MAP2K5: variants seen among roughly 807,000 people sequenced by gnomAD.
MAP2K5 encodes the protein dual specificity mitogen-activated protein kinase kinase 5.
In MAP2K5, 49 loss-of-function variants were observed where a neutral mutation model predicts 83.1. That is an observed-to-expected ratio of 0.59 (90% confidence interval 0.47 to 0.75). The LOEUF (loss-of-function observed/expected upper bound fraction) is 0.75, where lower values mean the gene tolerates loss of function less well. Ranked by LOEUF, MAP2K5 falls within the 30% of genes least tolerant of loss-of-function variation. The probability of loss-of-function intolerance (pLI) is 0.00; values close to 1 mark genes in which losing one functional copy is unlikely to be tolerated. For missense variants in MAP2K5, 457 were observed against 557.5 expected, an observed-to-expected ratio of 0.82 and a Z score of 1.82; for synonymous variants, 202 against 191.8, an observed-to-expected ratio of 1.05 and a Z score of -0.44.
chr15:67,791,757 T>A (rs1275163819), intron 21 of MAP2K5, among the ~76,000 whole-genome samples: 1 of 152,210 alleles, frequency 6.6e-6, no homozygotes, highest in Admixed American at 6.5e-5. Context: ...GGTTGTAGAA[T>A]GAAAACCACT....
rs2089402945 is a variant in MAP2K5, at chr15:67,738,761, C to T, written c.1075-9470C>T. ...AATTTTTAAATGCATCTAAGTAATA[C>T]CTTATTTGAACTAGAGTTATTTCGT... On this transcript the variant is annotated intron_variant, in intron 17 of 21. Transcript: ENST00000178640. The surrounding 1 kb of genome is among the most constrained non-coding windows in gnomAD (Gnocchi z 4.1). 6.6e-6 allele frequency among the ~76,000 whole-genome samples: 1 copy of T among 152,152 alleles called. No homozygotes were observed. Among genetic ancestry groups the T allele is most frequent in the African/African-American group, 2.4e-5 (1 of 41,420 alleles).
chr15:67,582,055 ATTTCT>A (rs2085188540), intron 4 of MAP2K5, among the ~76,000 whole-genome samples: 2 of 134,864 alleles, frequency 1.5e-5, no homozygotes, highest in Non-Finnish European at 1.6e-5. Flanking sequence ...GATGTAGATG[ATTTCT>A]TTTTTTTTTT....
Position 67,561,593 on chromosome 15 carries a change from G to A in MAP2K5, c.185-1690G>A, listed in dbSNP as rs1210329916. Among the ~76,000 whole-genome samples the A allele has an allele frequency of 6.6e-6, 1 of 152,190 alleles. No homozygotes were observed. The highest frequency in any genetic ancestry group is 2.4e-5 in the African/African-American group (1 of 41,448). On this transcript the variant is annotated intron_variant, in intron 2 of 21. Transcript: ENST00000178640. The surrounding 1 kb of genome is among the most constrained non-coding windows in gnomAD (Gnocchi z 4.2). The stretch of plus-strand genomic sequence containing the variant: ...TCTTGATGATACCGATTCACACTGA[G>A]TTGGGGAACTCTGCAGCAGTGAACC...
In MAP2K5 at chr15:67,565,137, T is replaced by C. The variant is rs1274986679; in HGVS notation, c.252+1787T>C. Among the ~76,000 whole-genome samples, 2 of 152,236 alleles carry C rather than the reference T, an allele frequency of 1.3e-5. No homozygotes were observed. The highest frequency in any genetic ancestry group is 2.4e-5 in the African/African-American group (1 of 41,466). ...GTGAATATGGAATTTAAGTTCAGTT[T>C]CTTTTCATGCCCAAGCTGTTGCTCA... On this transcript the variant is annotated intron_variant, in intron 3 of 21. Transcript: ENST00000178640. The surrounding 1 kb of genome is among the most constrained non-coding windows in gnomAD (Gnocchi z 4.1).
chr15:67,663,108 A>G (rs984176731), intron 12 of MAP2K5, among the ~76,000 whole-genome samples: 3 of 152,230 alleles, frequency 2.0e-5, no homozygotes, highest in African/African-American at 7.2e-5. Flanking sequence ...AGAATAAGTT[A>G]CAGATATCAC....
rs1393865234 is a variant in MAP2K5, at chr15:67,748,243, C to G, written c.1087C>G (p.Gln363Glu). The G allele has an allele frequency of 6.2e-7, 1 of 1,606,992 alleles. No homozygotes were observed. The highest frequency in any genetic ancestry group is 1.7e-5 in the Admixed American group (1 of 59,894). The change falls in exon 18 of 22, where the codon CAG becomes GAG. Residue 363 changes from glutamine to glutamate, a missense_variant. Physicochemically the swap from Gln to Glu is conservative, Grantham distance 29 (BLOSUM62 2). Around this residue, in one of 3 missense-constraint regions of MAP2K5, gnomAD observed 168 missense variants for 263.0 expected, o/e 0.64. Transcript: ENST00000178640. The surrounding 1 kb of genome is among the most constrained non-coding windows in gnomAD (Gnocchi z 4.0). The stretch of plus-strand genomic sequence containing the variant: ...TGCCTTTTTTCAGATTCAGAAAAAC[C>G]AGGGATCTTTAATGGTAAGCTTTAT... ...RFPYPQIQKN[Q>E]GSLMPLQLLQ...
At chr15:67,553,881 C>T (rs1419713155) in intron 2 of MAP2K5, among the ~76,000 whole-genome samples, 1 of 139,628 alleles carries the variant, frequency 7.2e-6, no homozygotes, top group African/African-American at 2.7e-5. Flanking sequence ...CCACTGCAGT[C>T]CGCAGTCCGG....
rs1230740971 is a variant in MAP2K5, at chr15:67,572,399, G to C, written c.253-8355G>C. Among the ~76,000 whole-genome samples the C allele has an allele frequency of 1.3e-5, 2 of 152,138 alleles. No individual in the cohort carries two copies. The highest frequency in any genetic ancestry group is 1.9e-4 in the East Asian group (1 of 5,186). ...CTGTTTTCATACTGTTATCGGAAAG[G>C]GGTCCCAATCCAGACCCTAAGAGAG... On this transcript the variant is annotated intron_variant, in intron 3 of 21. Coordinates refer to ENST00000178640, the MANE Select transcript of MAP2K5 (RefSeq NM_145160.3). This position sits in a 1 kb window ranked among gnomAD's most constrained non-coding sequence, Gnocchi z 4.2.
At chr15:67,606,347 C>T (rs1232479782) in intron 8 of MAP2K5, among the ~76,000 whole-genome samples, 3 of 152,146 alleles carry the variant, frequency 2.0e-5, no homozygotes, top group South Asian at 4.1e-4. Context: ...TTTCTATCTC[C>T]AGCTCCTTCC....
At chr15:67,729,977 C>T (rs1390693604) in intron 17 of MAP2K5, among the ~76,000 whole-genome samples, 4 of 152,138 alleles carry the variant, frequency 2.6e-5, no homozygotes, top group Admixed American at 6.5e-5. Context: ...AGAGTTGGGG[C>T]GGGAAACAAC....
At position 67,559,730 on chromosome 15, in the gene MAP2K5, T is replaced by C. The variant is rs2084697428; in HGVS notation, c.185-3553T>C. ...CTAATGTGCTGGAAAATCATATTACTATGCTCCAGGCAACTAGAGAAGCCT... is the reference window on the plus strand; with the variant it reads ...CTAATGTGCTGGAAAATCATATTACCATGCTCCAGGCAACTAGAGAAGCCT... On this transcript the variant is annotated intron_variant, in intron 2 of 21. Transcript: ENST00000178640. This position sits in a 1 kb window ranked among gnomAD's most constrained non-coding sequence, Gnocchi z 4.7. Among the ~76,000 whole-genome samples, 1 of 152,158 alleles carries C rather than the reference T, an allele frequency of 6.6e-6. No homozygotes were observed. Among genetic ancestry groups the C allele is most frequent in the Non-Finnish European group, 1.5e-5 (1 of 68,024 alleles).
chr15:67,696,321 A>C (rs1261765107), intron 15 of MAP2K5, among the ~76,000 whole-genome samples: 1 of 152,206 alleles, frequency 6.6e-6, no homozygotes, highest in Non-Finnish European at 1.5e-5. Context: ...GTTTTATTGG[A>C]ACATGACCAC....
intron 2 of MAP2K5, among the ~76,000 whole-genome samples, chr15:67,554,663 T>A (rs1320227852): frequency 6.6e-6 from 1 of 152,168 alleles, no homozygotes; most frequent in Admixed American, 6.5e-5. Context: ...TCAACCTGCC[T>A]TCTGGTGTGT....
intron 8 of MAP2K5, among the ~76,000 whole-genome samples, chr15:67,601,033 C>T (rs1056279940): frequency 2.6e-5 from 4 of 151,882 alleles, no homozygotes; most frequent in Admixed American, 1.3e-4. Context: ...GCATTTTTTT[C>T]CTTTGCTTTT....
rs977369463 is a variant in MAP2K5, at chr15:67,555,448, G to A, written c.184+5366G>A. 1.6e-4 allele frequency among the ~76,000 whole-genome samples: 19 copies of A among 122,084 alleles called. 1 individual carries two copies. Among genetic ancestry groups the A allele is most frequent in the Admixed American group, 5.5e-4 (7 of 12,832 alleles). The allele number at this position is 122,084 out of a possible 152,430, so 80.1% of individuals were successfully genotyped here. ...CGCCTGCAACATTGGGGATCACTTT[G>A]GAGGGGACAAATATTCAAACCATAT... On this transcript the variant is annotated intron_variant, in intron 2 of 21. Coordinates refer to ENST00000178640, the MANE Select transcript of MAP2K5 (RefSeq NM_145160.3). This position sits in a 1 kb window ranked among gnomAD's most constrained non-coding sequence, Gnocchi z 5.2.
intron 3 of MAP2K5, among the ~76,000 whole-genome samples, chr15:67,579,406 C>G (rs1323349888): frequency 6.6e-6 from 1 of 152,136 alleles, no homozygotes; most frequent in Non-Finnish European, 1.5e-5. Context: ...TGCTGTATTT[C>G]TGTGGTTTTA....
At chr15:67,789,900 G>A (rs1050113824) in intron 21 of MAP2K5, among the ~76,000 whole-genome samples, 3 of 152,136 alleles carry the variant, frequency 2.0e-5, no homozygotes, top group Admixed American at 2.0e-4. Flanking sequence ...GACAGTGAAG[G>A]GGGTGGACAC....
At chr15:67,643,236 T>C (rs1442633235) in intron 9 of MAP2K5, among the ~76,000 whole-genome samples, 2 of 152,230 alleles carry the variant, frequency 1.3e-5, no homozygotes, top group African/African-American at 4.8e-5. Flanking sequence ...CTTGTCATCA[T>C]AGTAGGAATA....
At chr15:67,682,444 C>T (rs563422869) in intron 13 of MAP2K5, among the ~76,000 whole-genome samples, 36 of 151,838 alleles carry the variant, frequency 2.4e-4, no homozygotes, top group Non-Finnish European at 4.0e-4. Context: ...AGGCTCATTT[C>T]GATCTCCTGA....
Sources: gnomAD v4.1 joint callset for allele counts (sites outside exome capture counted in the v4.1 genomes callset) on GRCh38, gnomAD v4.1.1 for gene constraint, gnomAD v4.1.1 regional missense constraint, Gnocchi (gnomAD v3.1) non-coding constraint, MANE v1.5 for transcripts, NCBI Gene and HGNC (gene_info 2026-07-23, HGNC 2026-07-21) for gene names.